RBM41: variants seen among roughly 807,000 people sequenced by gnomAD.
The protein encoded by RBM41 is RNA-binding protein 41.
RBM41 carries 14 observed loss-of-function variants against 30.8 expected under a neutral mutation model. That is an observed-to-expected ratio of 0.45 (90% CI 0.30 to 0.71). RBM41 has a LOEUF of 0.71. RBM41 is among the 30% of genes least tolerant of loss of function. The pLI is 0.08. For synonymous variants in RBM41, 120 were observed against 110.1 expected (o/e 1.09, Z -0.56); for missense variants, 276 against 326.3 (o/e 0.85, Z 1.19).
the RBM41 span, among the ~76,000 whole-genome samples, chrX:107,054,802 G>A: frequency 2.7e-5 from 3 of 111,903 alleles, no homozygotes; most frequent in Admixed American, 2.8e-4. Context: ...AGGTAGCGAG[G>A]AAATTTAAGA....
At chrX:107,098,501 T>C (rs1357862694) in intron 5 of RBM41, among the ~76,000 whole-genome samples, 1 of 111,452 alleles carries the variant, frequency 9.0e-6, no homozygotes, top group Non-Finnish European at 1.9e-5. Context: ...ACACCTGATA[T>C]ATGACAGAAT....
intron 5 of RBM41, among the ~76,000 whole-genome samples, chrX:107,098,933 G>A (rs750001137): frequency 1.8e-5 from 2 of 110,482 alleles, no homozygotes; most frequent in African/African-American, 6.6e-5. Context: ...CCCAGGAGGC[G>A]GAGGTTGCAG....
intron 5 of RBM41, among the ~76,000 whole-genome samples, chrX:107,110,921 T>C (rs1924408014): frequency 9.0e-6 from 1 of 111,086 alleles, no homozygotes; most frequent in Non-Finnish European, 1.9e-5. Flanking sequence ...GACCTAAACA[T>C]GAGAGCTAAA....
At chrX:107,058,633 G>A (rs754490203), downstream of RBM41, among the ~76,000 whole-genome samples, 3 of 111,750 alleles carry the variant, frequency 2.7e-5, no homozygotes, top group Non-Finnish European at 5.6e-5. Context: ...ATACTGTTCC[G>A]TAAGTGGAGG....
intron 6 of RBM41, chrX:107,069,967 C>A (rs1935994893): frequency 1.4e-5 from 2 of 147,836 alleles, no homozygotes; most frequent in Admixed American, 1.6e-4. Flanking sequence ...ATTGGATGAG[C>A]AGGAACCAAC....
intron 5 of RBM41, among the ~76,000 whole-genome samples, chrX:107,106,139 C>T (rs1214669828): frequency 9.0e-6 from 1 of 111,549 alleles, no homozygotes; most frequent in African/African-American, 3.3e-5. Context: ...GGCTAATATC[C>T]AGAATCTACA....
chrX:107,109,926 G>A (rs972994749), intron 5 of RBM41, among the ~76,000 whole-genome samples: 4 of 110,251 alleles, frequency 3.6e-5, no homozygotes, highest in African/African-American at 1.3e-4. Context: ...TATTTATTTC[G>A]AATTTCATTC....
chrX:107,077,982 T>G (rs1921139046), intron 6 of RBM41, among the ~76,000 whole-genome samples: 1 of 111,505 alleles, frequency 9.0e-6, no homozygotes, highest in Non-Finnish European at 1.9e-5. Flanking sequence ...ATTGATACAT[T>G]ATTATTAACT....
At chrX:107,104,717 G>A (rs1029137832) in intron 5 of RBM41, among the ~76,000 whole-genome samples, 7 of 111,078 alleles carry the variant, frequency 6.3e-5, no homozygotes, top group Non-Finnish European at 9.4e-5. Flanking sequence ...TGCATATGTT[G>A]AACCAGCCTT....
At chrX:107,076,635 T>C (rs1382056463) in intron 6 of RBM41, among the ~76,000 whole-genome samples, 1 of 111,130 alleles carries the variant, frequency 9.0e-6, no homozygotes. Flanking sequence ...TTCTATAGGT[T>C]TGCTGTACAA....
chrX:107,067,883 A>G (rs924188441), intron 7 of RBM41, among the ~76,000 whole-genome samples, 190 bp from the exon 8 acceptor site: 1 of 111,963 alleles, frequency 8.9e-6, no homozygotes, highest in African/African-American at 3.2e-5. Context: ...GGCAAAAATA[A>G]TAACAATAAA....
chrX:107,062,752 ACTTT>A lies in RBM41; in HGVS notation c.*4771_*4774del, dbSNP rs745981948. The stretch of plus-strand genomic sequence containing the variant: ...TCAATCCCACTTCCAAAGGTTTATA[ACTTT>A]CTATGTCTATTTCCCAGCTTTTTCT... On this transcript the variant is annotated 3_prime_UTR_variant, in exon 8 of 8. Coordinates refer to ENST00000685964, the MANE Select transcript of RBM41 (RefSeq NM_001324242.2). Among the ~76,000 whole-genome samples the A allele has an allele frequency of 2.1e-4, 24 of 111,925 alleles. No homozygotes were observed. In the East Asian group the frequency reaches 6.7e-3, roughly 31 times the overall value.
At chrX:107,057,491 A>G (rs140059686), downstream of RBM41, among the ~76,000 whole-genome samples, 1,028 of 111,250 alleles carry the variant, frequency 9.2e-3, 8 homozygotes, top group African/African-American at 0.032. Flanking sequence ...ATTCCATTGG[A>G]TTTGGAGAAG....
At chrX:107,070,260 C>A (rs1380685869) in intron 6 of RBM41, 1 of 331,066 alleles carries the variant, frequency 3.0e-6, no homozygotes, top group Non-Finnish European at 5.9e-6. Flanking sequence ...ATGGGGAATG[C>A]CATACATGGC....
chrX:107,098,199 G>A (rs909999802), intron 5 of RBM41, among the ~76,000 whole-genome samples: 1 of 111,809 alleles, frequency 8.9e-6, no homozygotes, highest in Admixed American at 9.5e-5. Flanking sequence ...TTGAAGATTT[G>A]AAGACTCATA....
chrX:107,068,365 T>C (rs1430696895), intron 7 of RBM41, among the ~76,000 whole-genome samples: 1 of 111,734 alleles, frequency 8.9e-6, no homozygotes, highest in Non-Finnish European at 1.9e-5. Flanking sequence ...TTTAAGTGTA[T>C]AGCTTTCAAG....
chrX:107,072,253 A>G (rs1227209359), intron 6 of RBM41, among the ~76,000 whole-genome samples: 1 of 111,437 alleles, frequency 9.0e-6, no homozygotes, highest in African/African-American at 3.3e-5. Context: ...AAAAACCTGA[A>G]AGAGTCTACC....
intron 5 of RBM41, among the ~76,000 whole-genome samples, chrX:107,113,180 ATT>A (rs2147757861): frequency 8.9e-6 from 1 of 111,770 alleles, no homozygotes; most frequent in African/African-American, 3.2e-5. Flanking sequence ...TGGTACAATA[ATT>A]TAAATGTATA....
rs1053282547 is a variant in RBM41 at position 107,062,851 on chromosome X, T to C, written c.*4676A>G. Among the ~76,000 whole-genome samples, 1 of 112,081 alleles carries C rather than the reference T, an allele frequency of 8.9e-6. No homozygotes were observed. Among genetic ancestry groups the C allele is most frequent in the African/African-American group, 3.2e-5 (1 of 30,847 alleles). On this transcript the variant is annotated 3_prime_UTR_variant, in exon 8 of 8. Transcript: ENST00000685964. ...ATGAATGCTTTTGCATAAAAATGTA[T>C]TCATACTATACATATTTCTGCATCT...
Sources: allele counts gnomAD v4.1 joint callset (sites outside exome capture counted in the v4.1 genomes callset), GRCh38; gene constraint gnomAD v4.1.1; transcripts MANE v1.5; gene names NCBI Gene and HGNC (gene_info 2026-07-23, HGNC 2026-07-21).